Variants in RTN1 observed in about 807,000 individuals in gnomAD.
The protein encoded by RTN1 is reticulon-1.
In RTN1, 25 loss-of-function variants were observed where a neutral mutation model predicts 65.5. That is an observed-to-expected ratio of 0.38 (90% CI 0.28 to 0.53). The LOEUF (loss-of-function observed/expected upper bound fraction) is 0.53. Ranked by LOEUF, RTN1 falls within the 20% of genes least tolerant of loss-of-function variation. RTN1 has a pLI of 0.79. For synonymous variants in RTN1, 471 were observed against 447.6 expected, an observed-to-expected ratio of 1.05 and a Z score of -0.66; for missense variants, 983 against 1,025.4, an observed-to-expected ratio of 0.96 and a Z score of 0.57.
intron 1 of RTN1, among the ~76,000 whole-genome samples, chr14:59,758,584 G>A (rs1158009223): frequency 1.3e-5 from 2 of 152,134 alleles, no homozygotes; most frequent in Non-Finnish European, 2.9e-5. Flanking sequence ...GCCTCCTCTA[G>A]GAAGTTTCTT....
At chr14:59,850,385 G>C (rs1018207628) in intron 1 of RTN1, among the ~76,000 whole-genome samples, 1 of 152,216 alleles carries the variant, frequency 6.6e-6, no homozygotes, top group African/African-American at 2.4e-5. Context: ...AAGTGTGGAA[G>C]ACCTCATGTA....
At chr14:59,729,430 T>A (rs908341790) in intron 2 of RTN1, among the ~76,000 whole-genome samples, 1 of 152,176 alleles carries the variant, frequency 6.6e-6, no homozygotes, top group Non-Finnish European at 1.5e-5. Context: ...TTATCTCTCA[T>A]ATGAATCATG....
At chr14:59,744,596 T>A (rs1230821705) in intron 2 of RTN1, among the ~76,000 whole-genome samples, 1 of 152,208 alleles carries the variant, frequency 6.6e-6, no homozygotes, top group Non-Finnish European at 1.5e-5. Flanking sequence ...GAAGTACATC[T>A]TTTGGTTTCA....
chr14:59,762,576 G>C (rs772186159), intron 1 of RTN1, among the ~76,000 whole-genome samples: 1 of 152,262 alleles, frequency 6.6e-6, no homozygotes, highest in Admixed American at 6.5e-5. Context: ...TGGAATTGTC[G>C]TGATGATTAA....
At chr14:59,748,142 A>G (rs530533751) in intron 1 of RTN1, among the ~76,000 whole-genome samples, 1 of 150,448 alleles carries the variant, frequency 6.6e-6, no homozygotes, top group Admixed American at 6.6e-5. Flanking sequence ...CAGGATTCAC[A>G]CCCAAGTAAC....
chr14:59,870,606 C>T lies in RTN1; in HGVS notation c.25G>A (p.Asp9Asn). Residue 9 changes from aspartate (D) to asparagine (N), a missense_variant, in exon 1 of 9, where the codon GAC becomes AAC. By Grantham distance (23) the Asp-to-Asn change is conservative (BLOSUM62 1). Transcript: ENST00000267484. This position sits in a 1 kb window ranked among gnomAD's most constrained non-coding sequence, Gnocchi z 5.1. ...GGGCCGGCCAGCGGCAGCAGCTCGT[C>T]CTGCGGATCCCCCGGCGCGGCCATG... MAAPGDPQDELLPLAGPGS... is the reference protein window; with the variant it reads MAAPGDPQNELLPLAGPGS... 7.0e-7 allele frequency: 1 copy of T among 1,431,266 alleles called. No individual in the cohort carries two copies. The highest frequency in any genetic ancestry group is 9.1e-7 in the Non-Finnish European group (1 of 1,096,836). 88.7% of individuals were successfully genotyped at this position (1,431,266 alleles called of 1,614,324 possible).
chr14:59,603,334 G>T (rs1304890970), intron 6 of RTN1, 76 bp from the exon 7 acceptor site: 6 of 1,097,880 alleles, frequency 5.5e-6, no homozygotes, highest in Middle Eastern at 5.9e-4. Flanking sequence ...ATTTTTATAT[G>T]GTTATATGAT....
intron 3 of RTN1, among the ~76,000 whole-genome samples, chr14:59,713,717 C>T (rs1884471746): frequency 6.6e-6 from 1 of 152,192 alleles, no homozygotes; most frequent in African/African-American, 2.4e-5. Context: ...TAGAGAGTGC[C>T]AGCTACTCAC....
In RTN1 at chr14:59,617,188, C is replaced by T. The variant is rs552615953; in HGVS notation, c.1766-9696G>A. Reference sequence around the variant, plus strand: ...TTGACTTATAAAGCCAATTAAAGCCCGTTGGGGAATCTGTTCTCATACCTT... The same window carrying T: ...TTGACTTATAAAGCCAATTAAAGCCTGTTGGGGAATCTGTTCTCATACCTT... On this transcript the variant is annotated intron_variant, in intron 3 of 8. Transcript: ENST00000267484. Among the ~76,000 whole-genome samples the T allele has an allele frequency of 1.3e-3, 192 of 152,286 alleles. 1 individual carries two copies. Among genetic ancestry groups the T allele is most frequent in the African/African-American group, 4.5e-3 (188 of 41,566 alleles).
intron 1 of RTN1, among the ~76,000 whole-genome samples, chr14:59,799,914 T>C (rs1363297821): frequency 2.0e-5 from 3 of 152,114 alleles, no homozygotes; most frequent in African/African-American, 4.8e-5. Flanking sequence ...TGAAAAAGAC[T>C]TCCCTTTAAG....
intron 1 of RTN1, among the ~76,000 whole-genome samples, chr14:59,857,994 T>C (rs1355984528): frequency 2.0e-5 from 3 of 152,200 alleles, no homozygotes; most frequent in African/African-American, 4.8e-5. Context: ...ACCAGGTACA[T>C]TGGAACCCAT....
intron 2 of RTN1, among the ~76,000 whole-genome samples, chr14:59,738,180 G>T (rs1260995314): frequency 1.3e-5 from 2 of 152,166 alleles, no homozygotes; most frequent in Non-Finnish European, 2.9e-5. Flanking sequence ...TTAACTAAAA[G>T]CTTCTGCACA....
intron 3 of RTN1, among the ~76,000 whole-genome samples, chr14:59,688,551 A>G (rs947970730): frequency 3.9e-5 from 6 of 152,186 alleles, no homozygotes; most frequent in African/African-American, 1.4e-4. Flanking sequence ...TGCTTGAGGC[A>G]ACAGAGAACT....
At chr14:59,763,521 A>C (rs1273296337) in intron 1 of RTN1, among the ~76,000 whole-genome samples, 1 of 148,820 alleles carries the variant, frequency 6.7e-6, no homozygotes, top group Non-Finnish European at 1.5e-5. Flanking sequence ...ACAATAACAC[A>C]ATTTTCTTTC....
intron 3 of RTN1, chr14:59,630,735 G>T: frequency 1.8e-6 from 2 of 1,105,228 alleles, no homozygotes; most frequent in Non-Finnish European, 2.2e-6. Flanking sequence ...TGCGCGCATG[G>T]GGATGCGGGC....
intron 3 of RTN1, among the ~76,000 whole-genome samples, chr14:59,615,309 T>A (rs1882071531): frequency 6.6e-6 from 1 of 151,684 alleles, no homozygotes; most frequent in Non-Finnish European, 1.5e-5. Flanking sequence ...ATTAGCTGGG[T>A]ATGGTAGCGC....
chr14:59,706,726 A>G (rs910700792), intron 3 of RTN1, among the ~76,000 whole-genome samples: 2 of 152,218 alleles, frequency 1.3e-5, no homozygotes, highest in Admixed American at 6.5e-5. Context: ...TGAAAGGAAT[A>G]TTAGTAATCT....
intron 3 of RTN1, among the ~76,000 whole-genome samples, chr14:59,665,406 C>G (rs1883345479): frequency 6.6e-6 from 1 of 152,112 alleles, no homozygotes; most frequent in Admixed American, 6.6e-5. Context: ...GATTTTGTCA[C>G]CACCAGGCCT....
intron 3 of RTN1, among the ~76,000 whole-genome samples, chr14:59,698,391 A>G (rs1430147753): frequency 6.6e-6 from 1 of 152,112 alleles, no homozygotes; most frequent in African/African-American, 2.4e-5. Flanking sequence ...CCATTTTTCA[A>G]TAGATTACAA....
Sources: allele counts gnomAD v4.1 joint callset (sites outside exome capture counted in the v4.1 genomes callset), GRCh38; gene constraint gnomAD v4.1.1; non-coding constraint Gnocchi (gnomAD v3.1); transcripts MANE v1.5; gene names NCBI Gene and HGNC (gene_info 2026-07-23, HGNC 2026-07-21).